SORCS3: variants seen among roughly 807,000 people sequenced by gnomAD.
SORCS3 encodes sortilin related VPS10 domain containing receptor 3.
SORCS3 carries 57 observed loss-of-function variants against 146.3 expected under a neutral mutation model. That is an observed-to-expected ratio of 0.39 (90% CI 0.31 to 0.49). SORCS3 has a LOEUF of 0.49. SORCS3 is among the 20% of genes least tolerant of loss of function. The pLI, the probability that SORCS3 is intolerant of heterozygous loss-of-function variation, is 0.92. For synonymous variants in SORCS3, 653 were observed against 618.5 expected (o/e 1.06, Z -0.83); for missense variants, 1,341 against 1,575.5 (o/e 0.85, Z 2.52).
intron 1 of SORCS3, among the ~76,000 whole-genome samples, chr10:104,731,336 C>G (rs1327448223): frequency 6.6e-6 from 1 of 152,170 alleles, no homozygotes; most frequent in African/African-American, 2.4e-5. Context: ...TAGATCCCAG[C>G]CCGAGGCAGA....
rs371121178 is a variant in SORCS3, at chr10:104,867,566, C to T, written c.695+24707C>T. On this transcript the variant is annotated intron_variant, in intron 2 of 26. Coordinates refer to ENST00000369701, the MANE Select transcript of SORCS3 (RefSeq NM_014978.3). ...CCTCATGATCTGCCCGCCTAGGCCT[C>T]CCAAAGTACTGAGATTACAGGCGTG... Among the ~76,000 whole-genome samples the T allele has an allele frequency of 1.4e-4, 22 of 152,198 alleles. No homozygotes were observed. The East Asian group carries it at 3.5e-3, about 24-fold the overall frequency.
intron 4 of SORCS3, among the ~76,000 whole-genome samples, chr10:105,022,312 T>A (rs1191837585): frequency 7.6e-6 from 1 of 132,260 alleles, no homozygotes. Flanking sequence ...TTTTTTTTTT[T>A]TCGAGACGGA....
At chr10:105,139,373 CTT>C in intron 7 of SORCS3, 22 bp from the exon 8 acceptor site, 1 of 1,584,824 alleles carries the variant, frequency 6.3e-7, no homozygotes, top group Non-Finnish European at 8.7e-7. Flanking sequence ...CATCTGATCT[CTT>C]TGTGTTTCCC....
chr10:104,943,243 C>T (rs2019338071), intron 3 of SORCS3, among the ~76,000 whole-genome samples: 1 of 152,104 alleles, frequency 6.6e-6, no homozygotes. Context: ...AATTCTCCTG[C>T]CTCAGCCTCC....
At chr10:105,066,604 A>T (rs1265375321) in intron 5 of SORCS3, among the ~76,000 whole-genome samples, 7 of 152,124 alleles carry the variant, frequency 4.6e-5, no homozygotes, top group African/African-American at 1.4e-4. Context: ...CACCCTCAGC[A>T]TGTCATGTCA....
Position 105,256,942 on chromosome 10 carries a change from T to A in SORCS3, c.3443+18T>A. The A allele has an allele frequency of 6.4e-7, 1 of 1,564,926 alleles. No homozygotes were observed. Among genetic ancestry groups the A allele is most frequent in the Non-Finnish European group, 8.8e-7 (1 of 1,135,394 alleles). ...TTTAAAAGGTATGTCCTATTATCAC[T>A]CAATTTAGTAGTGGGGTTGGGGTCA... is the stretch of plus-strand genomic sequence containing the variant. On this transcript the variant is annotated intron_variant, in intron 25 of 26. Coordinates refer to ENST00000369701, the MANE Select transcript of SORCS3 (RefSeq NM_014978.3).
chr10:104,959,943 C>T (rs552041442), intron 3 of SORCS3, among the ~76,000 whole-genome samples: 9 of 152,234 alleles, frequency 5.9e-5, no homozygotes, highest in South Asian at 2.1e-4. Flanking sequence ...CATGGGTGAA[C>T]GGACTCTAAG....
intron 4 of SORCS3, among the ~76,000 whole-genome samples, chr10:105,034,078 T>A (rs2055288846): frequency 6.6e-6 from 1 of 152,144 alleles, no homozygotes; most frequent in Non-Finnish European, 1.5e-5. Context: ...AAGATATACA[T>A]TGATCATGAA....
At chr10:105,006,915 G>A (rs1256679310) in intron 4 of SORCS3, among the ~76,000 whole-genome samples, 2 of 152,086 alleles carry the variant, frequency 1.3e-5, no homozygotes, top group Non-Finnish European at 2.9e-5. Context: ...CTTATCTGTG[G>A]CATGTCTGTT....
At chr10:104,880,526 A>T (rs2018620050) in intron 2 of SORCS3, among the ~76,000 whole-genome samples, 1 of 152,202 alleles carries the variant, frequency 6.6e-6, no homozygotes, top group Admixed American at 6.5e-5. Flanking sequence ...TAGGATTAAA[A>T]GTCTGCTTTG....
intron 1 of SORCS3, among the ~76,000 whole-genome samples, chr10:104,743,075 G>T (rs566591405): frequency 1.1e-4 from 17 of 152,242 alleles, no homozygotes; most frequent in Non-Finnish European, 1.6e-4. Context: ...AACATGTATT[G>T]TTATTCCATT....
chr10:105,260,485 G>C (rs913845155), intron 25 of SORCS3, among the ~76,000 whole-genome samples: 1 of 152,150 alleles, frequency 6.6e-6, no homozygotes, highest in Non-Finnish European at 1.5e-5. Context: ...TTCACTTTGG[G>C]TTCTTGTAAA....
intron 3 of SORCS3, among the ~76,000 whole-genome samples, chr10:104,932,108 C>T (rs2019214486): frequency 6.6e-6 from 1 of 152,204 alleles, no homozygotes; most frequent in South Asian, 2.1e-4. Flanking sequence ...AATCACAGAA[C>T]ATCAGCATTC....
At chr10:105,001,520 A>G (rs974361222) in intron 4 of SORCS3, among the ~76,000 whole-genome samples, 1 of 152,156 alleles carries the variant, frequency 6.6e-6, no homozygotes, top group African/African-American at 2.4e-5. Flanking sequence ...ATGTTTTTTG[A>G]TGGTGATGTT....
At position 104,833,370 on chromosome 10, in the gene SORCS3, T is replaced by C. The variant is rs1033083469; in HGVS notation, c.628-9422T>C. Among the ~76,000 whole-genome samples the C allele has an allele frequency of 3.3e-5, 5 of 152,256 alleles. No individual in the cohort carries two copies. In the South Asian group the frequency reaches 1.0e-3, roughly 32 times the overall value. The stretch of plus-strand genomic sequence containing the variant: ...TGGTAGATTGGGAACTCAGCAGTGA[T>C]TATTTCCACATCAGCCTTGGTGGGG... On this transcript the variant is annotated intron_variant, in intron 1 of 26. Transcript: ENST00000369701.
Position 104,779,164 on chromosome 10 carries a change from T to C in SORCS3, c.628-63628T>C, listed in dbSNP as rs183194335. 1.2e-4 allele frequency among the ~76,000 whole-genome samples: 19 copies of C among 152,336 alleles called. No homozygotes were observed. In the East Asian group the frequency reaches 2.3e-3, roughly 19 times the overall value. On this transcript the variant is annotated intron_variant, in intron 1 of 26. Transcript: ENST00000369701. ...AAGAAAGGAATGCTTCCCTGGAGCCTCCAGACAGAGCCAGCCTTGCTGACA... is the reference window on the plus strand; with the variant it reads ...AAGAAAGGAATGCTTCCCTGGAGCCCCCAGACAGAGCCAGCCTTGCTGACA...
intron 7 of SORCS3, among the ~76,000 whole-genome samples, chr10:105,133,985 G>A (rs1311316879): frequency 2.6e-5 from 4 of 152,172 alleles, no homozygotes; most frequent in Middle Eastern, 3.4e-3. Flanking sequence ...AATACAGCCC[G>A]AGTGTCAAAA....
chr10:104,889,406 C>T (rs999335593), intron 2 of SORCS3, among the ~76,000 whole-genome samples: 3 of 143,544 alleles, frequency 2.1e-5, no homozygotes, highest in African/African-American at 5.1e-5. Context: ...TCTTTATTTT[C>T]GATCTGTCCT....
intron 2 of SORCS3, among the ~76,000 whole-genome samples, chr10:104,871,108 T>G (rs1331809085): frequency 6.6e-6 from 1 of 152,168 alleles, no homozygotes; most frequent in Non-Finnish European, 1.5e-5. Flanking sequence ...AACCACGGGA[T>G]GAAGTCATAT....
Sources: gnomAD v4.1 joint callset for allele counts (sites outside exome capture counted in the v4.1 genomes callset) on GRCh38, gnomAD v4.1.1 for gene constraint, MANE v1.5 for transcripts, NCBI Gene and HGNC (gene_info 2026-07-23, HGNC 2026-07-21) for gene names.